MUC4: variants seen among roughly 807,000 people sequenced by gnomAD.
The protein encoded by MUC4 is mucin-4.
Under a neutral mutation model 257.9 loss-of-function variants are expected in MUC4, and 202 were observed. The observed-to-expected ratio is 0.78, with a 90% confidence interval of 0.70 to 0.88. The LOEUF (loss-of-function observed/expected upper bound fraction) is 0.88. Ranked by LOEUF, MUC4 falls within the 40% of genes least tolerant of loss-of-function variation. MUC4 has a pLI of 0.00. For synonymous variants in MUC4, 2,351 were observed against 2,757.1 expected (o/e 0.85, Z 4.62); for missense variants, 5,976 against 6,513.7 (o/e 0.92, Z 2.84).
intron 1 of MUC4, 102 bp downstream of exon 1, chr3:195,811,633 TC>T: frequency 3.1e-6 from 2 of 643,172 alleles, no homozygotes; most frequent in Non-Finnish European, 4.8e-6. Flanking sequence ...TCCCCTATTC[TC>T]TCTCTCTCTC....
rs767341810 is a variant in MUC4, at chr3:195,780,985, C to T, written c.10595G>A (p.Gly3532Asp). Residue 3532 changes from glycine (G) to aspartate (D), a missense_variant, in exon 2 of 25, where the codon GGT (glycine) becomes GAT (aspartate). Coordinates refer to ENST00000463781, the MANE Select transcript of MUC4 (RefSeq NM_018406.7). ...GGTGACAGGAAGAGGCGTGGCGTGACCGGTGGATACTGAGGAAGTGTCGGT... is the reference window on the plus strand; with the variant it reads ...GGTGACAGGAAGAGGCGTGGCGTGATCGGTGGATACTGAGGAAGTGTCGGT... ...PVTDTSSVST[G>D]HATPLPVTSL... 1 of 1,508,492 alleles carries T rather than the reference C, an allele frequency of 6.6e-7. No individual in the cohort carries two copies. The highest frequency in any genetic ancestry group is 8.9e-7 in the Non-Finnish European group (1 of 1,121,020). The allele number at this position is 1,508,492 out of a possible 1,614,324, so 93.4% of individuals were successfully genotyped here. A position where few individuals can be genotyped will look rare whatever the true frequency, so the allele number is the denominator to read the frequency against.
intron 15 of MUC4, 148 bp downstream of exon 15, chr3:195,761,333 CTGG>C: frequency 1.3e-6 from 1 of 750,910 alleles, no homozygotes; most frequent in Non-Finnish European, 2.2e-6. Context: ...GGCAGGTGGG[CTGG>C]TGGTGGTGGG....
In MUC4 at chr3:195,788,470, T is replaced by G. The variant is rs1173762994; in HGVS notation, c.3110A>C (p.His1037Pro). ...GCTGGTGACAGGAAGAGGGGTGACG[T>G]GACCTGTGGATTCTGAGGAAGTGTC... ...VTDTSSESTG[H>P]VTPLPVTSFS... Residue 1037 changes from histidine (H) to proline (P), a missense_variant, in exon 2 of 25, where the codon CAC becomes CCC. Around this residue, in one of 44 missense-constraint regions of MUC4, gnomAD observed 1,583 missense variants for 1,257.4 expected, o/e 1.26. Transcript: ENST00000463781. The G allele has an allele frequency of 1.3e-6, 2 of 1,543,570 alleles. No homozygotes were observed. The highest frequency in any genetic ancestry group is 1.7e-6 in the Non-Finnish European group (2 of 1,143,174).
rs1207898770 is a variant in MUC4 at position 195,784,291 on chromosome 3, G to T, written c.7289C>A (p.Thr2430Asn). The change falls in exon 2 of 25, where the codon ACC (threonine) becomes AAC (asparagine). Residue 2430 changes from threonine to asparagine, a missense_variant. Thr to Asn is a moderately conservative substitution (Grantham distance 65). Coordinates refer to ENST00000463781, the MANE Select transcript of MUC4 (RefSeq NM_018406.7). ...TGLSSASTGD[T>N]TRLPVTNVSS... Reference sequence around the variant, plus strand: ...AACGTTGGTGACAGGAAGACGGGTGGTGTCACCTGTGGAAGCTGAGGAAAG... The same window carrying T: ...AACGTTGGTGACAGGAAGACGGGTGTTGTCACCTGTGGAAGCTGAGGAAAG... 5.6e-6 allele frequency: 8 copies of T among 1,420,316 alleles called. No homozygotes were observed. The highest frequency in any genetic ancestry group is 7.6e-6 in the Non-Finnish European group (8 of 1,048,860). 88.0% of individuals were successfully genotyped at this position (1,420,316 alleles called of 1,614,324 possible).
Position 195,782,280 on chromosome 3 carries a change from A to C in MUC4, c.9300T>G (p.Gly3100=). ...PVTSLSSVST[G]DTTPLPVTSP... ...TAGTGACAGGAAGAGGCGTGGTGTC[A>C]CCTGTGGATACTGAGGAAAGGCTGG... The change falls in exon 2 of 25, where the codon GGT becomes GGG. Residue 3100 remains glycine (G), a synonymous_variant. Transcript: ENST00000463781. 6.5e-7 allele frequency: 1 copy of C among 1,537,736 alleles called. No individual in the cohort carries two copies. The highest frequency in any genetic ancestry group is 2.5e-5 in the East Asian group (1 of 40,292).
chr3:195,759,411 G>A (rs919660363), intron 16 of MUC4, 150 bp from the exon 17 acceptor site: 8 of 1,101,016 alleles, frequency 7.3e-6, no homozygotes, highest in African/African-American at 6.2e-5. Flanking sequence ...ACCTGCTCTC[G>A]ACTGACGCAC....
chr3:195,782,879 T>A lies in MUC4; in HGVS notation c.8701A>T (p.Ser2901Cys), dbSNP rs1333301506. 59 of 1,303,302 alleles carry A rather than the reference T, an allele frequency of 4.5e-5. No individual in the cohort carries two copies. Among genetic ancestry groups the A allele is most frequent in the Non-Finnish European group, 5.4e-5 (53 of 984,014 alleles). The allele number at this position is 1,303,302 out of a possible 1,614,324, so 80.7% of individuals were successfully genotyped here. Residue 2901 changes from serine to cysteine, a missense_variant, in exon 2 of 25, where the codon AGC becomes TGC. By Grantham distance (112) the Ser-to-Cys change is moderately radical. Transcript: ENST00000463781. Reference sequence around the variant, plus strand: ...TCACCTGTGGATACTGAGGAAAGGCTGGTGAGAGGAAGAGGGGTAGCGTGA... The same window carrying A: ...TCACCTGTGGATACTGAGGAAAGGCAGGTGAGAGGAAGAGGGGTAGCGTGA... ...TGHATPLPLTSLSSVSTGDTT... is the reference protein window; with the variant it reads ...TGHATPLPLTCLSSVSTGDTT...
At chr3:195,778,669 G>T in intron 2 of MUC4, 121 bp downstream of exon 2, 2 of 1,319,288 alleles carry the variant, frequency 1.5e-6, no homozygotes, top group Non-Finnish European at 2.1e-6. Context: ...CTCCTCCCCT[G>T]TGGGACCTGA....
chr3:195,747,110 A>G lies in MUC4; in HGVS notation c.*66T>C, dbSNP rs9833732. 1.2e-3 allele frequency: 1,857 copies of G among 1,587,816 alleles called. No homozygotes were observed. In the African/African-American group the frequency reaches 0.023, roughly 19 times the overall value. On this transcript the variant is annotated 3_prime_UTR_variant, in exon 25 of 25. Transcript: ENST00000463781. ...TCCCTTTTCCAGTCTCCCAAAAGCA[A>G]TGGCGCCTTAAATGTGCGGTAAGGA...
intron 6 of MUC4, 188 bp from the exon 7 acceptor site, chr3:195,769,340 G>A (rs1722298947): frequency 1.3e-6 from 1 of 744,262 alleles, no homozygotes; most frequent in Non-Finnish European, 2.1e-6. Flanking sequence ...TTTCACCCTG[G>A]GTGCGAACGC....
chr3:195,794,430 A>G (rs1734312951), intron 1 of MUC4, among the ~76,000 whole-genome samples: 1 of 151,734 alleles, frequency 6.6e-6, no homozygotes, highest in African/African-American at 2.4e-5. Context: ...GAGAGAGAGA[A>G]AGAGAGACAG....
In MUC4 at chr3:195,789,715, T is replaced by C. The variant is rs1414365804; in HGVS notation, c.1865A>G (p.His622Arg). Reference sequence around the variant, plus strand: ...TTCCTGAGGAGAGGTGCTTGTGGAATGTATTGTTGAATGATTTGTTGATGG... The same window carrying C: ...TTCCTGAGGAGAGGTGCTTGTGGAACGTATTGTTGAATGATTTGTTGATGG... ...TAPSTNHSTIHSTSTSPQESP... is the reference protein window; with the variant it reads ...TAPSTNHSTIRSTSTSPQESP... The change falls in exon 2 of 25, where the codon CAT becomes CGT. Residue 622 changes from histidine (H) to arginine (R), a missense_variant. His to Arg is a conservative substitution (Grantham distance 29, BLOSUM62 0). Around this residue, in one of 44 missense-constraint regions of MUC4, gnomAD observed 1,583 missense variants for 1,257.4 expected, o/e 1.26. Transcript: ENST00000463781. 6.2e-7 allele frequency: 1 copy of C among 1,613,954 alleles called. No individual in the cohort carries two copies. Among genetic ancestry groups the C allele is most frequent in the Middle Eastern group, 1.6e-4 (1 of 6,062 alleles).
rs762544130 is a variant in MUC4 at position 195,779,590 on chromosome 3, T to A, written c.11990A>T (p.His3997Leu). Residue 3997 changes from histidine (H) to leucine (L), a missense_variant, in exon 2 of 25, where the codon CAC becomes CTC. Coordinates refer to ENST00000463781, the MANE Select transcript of MUC4 (RefSeq NM_018406.7). ...GCTGGTGACAGGAAGAGGGGTGGCG[T>A]GACCTGTGGATACTGAGGAAGTGTC... ...VTDTSSVSTGHATPLPVTSTS... is the reference protein window; with the variant it reads ...VTDTSSVSTGLATPLPVTSTS... The A allele has an allele frequency of 2.8e-6, 4 of 1,413,760 alleles. No individual in the cohort carries two copies. In the South Asian group the frequency reaches 5.2e-5, roughly 18 times the overall value. 87.6% of individuals were successfully genotyped at this position (1,413,760 alleles called of 1,614,324 possible).
intron 18 of MUC4, among the ~76,000 whole-genome samples, chr3:195,756,055 A>G (rs575022939): frequency 1.2e-4 from 19 of 152,308 alleles, no homozygotes; most frequent in Admixed American, 1.1e-3. Flanking sequence ...TCCAAACTGG[A>G]AAAGATGTTT....
chr3:195,753,265 C>A, intron 19 of MUC4, 35 bp from the exon 20 acceptor site: 1 of 1,603,214 alleles, frequency 6.2e-7, no homozygotes, highest in Non-Finnish European at 8.5e-7. Context: ...CAGCAGCGCG[C>A]AGGGCAGCAG....
At chr3:195,763,023 T>G (rs1283603514) in intron 12 of MUC4, 78 bp from the exon 13 acceptor site, 1 of 1,237,780 alleles carries the variant, frequency 8.1e-7, no homozygotes, top group Non-Finnish European at 1.1e-6. Flanking sequence ...GGAGAGCCCC[T>G]GGGGCTGGAA....
At position 195,762,221 on chromosome 3, in the gene MUC4, A is replaced by C. The variant is rs762083155; in HGVS notation, c.14378T>G (p.Leu4793Arg). The C allele has an allele frequency of 6.3e-7, 1 of 1,594,062 alleles. No homozygotes were observed. Among genetic ancestry groups the C allele is most frequent in the East Asian group, 2.3e-5 (1 of 43,554 alleles). The stretch of plus-strand genomic sequence containing the variant: ...CGAGACCTCAGAGCCGTTGCGGCTC[A>C]GGAGGACTCCGGTGGCGTTGAACGT... The part of the protein sequence containing the change: ...QETFNATGVL[L>R]SRNGSEVSAS... Residue 4793 changes from leucine to arginine, a missense_variant, in exon 14 of 25, where the codon CTG (leucine) becomes CGG (arginine). Physicochemically the swap from Leu to Arg is moderately radical, Grantham distance 102. This residue lies in a region of MUC4 where 996 missense variants were observed against 1,137.3 expected (regional missense o/e 0.88). Transcript: ENST00000463781.
Position 195,791,315 on chromosome 3 carries a change from G to C in MUC4, c.265C>G (p.Gln89Glu), listed in dbSNP as rs1402995242. The C allele has an allele frequency of 6.2e-7, 1 of 1,613,944 alleles. No homozygotes were observed. The highest frequency in any genetic ancestry group is 1.1e-5 in the South Asian group (1 of 91,082). ...TKSTETTSKA[Q>E]TDTLTQMMTS... ...ATCATCTGCGTGAGGGTGTCGGTTT[G>C]AGCTTTGCTGGTGGTCTCCGTGCTC... The change falls in exon 2 of 25, where the codon CAA becomes GAA. Residue 89 changes from glutamine to glutamate, a missense_variant. Coordinates refer to ENST00000463781, the MANE Select transcript of MUC4 (RefSeq NM_018406.7).
chr3:195,755,598 G>A lies in MUC4; in HGVS notation c.15169-1226C>T, dbSNP rs191173424. On this transcript the variant is annotated intron_variant, in intron 18 of 24. Coordinates refer to ENST00000463781, the MANE Select transcript of MUC4 (RefSeq NM_018406.7). The surrounding 1 kb of genome is among the most constrained non-coding windows in gnomAD (Gnocchi z 5.0). ...GCAGCTCAGCAAAGGCTGCGGCGCC[G>A]AGACCTCACCAAGCTCCCTGCGCTC... Among the ~76,000 whole-genome samples, 45 of 151,962 alleles carry A rather than the reference G, an allele frequency of 3.0e-4. No homozygotes were observed. The highest frequency in any genetic ancestry group is 9.9e-4 in the African/African-American group (41 of 41,414).
Sources: gnomAD v4.1 joint callset for allele counts (sites outside exome capture counted in the v4.1 genomes callset) on GRCh38, gnomAD v4.1.1 for gene constraint, gnomAD v4.1.1 regional missense constraint, Gnocchi (gnomAD v3.1) non-coding constraint, MANE v1.5 for transcripts, NCBI Gene and HGNC (gene_info 2026-07-23, HGNC 2026-07-21) for gene names.